Variants in SCAPER observed in about 807,000 individuals in gnomAD.
SCAPER encodes the protein S phase cyclin A-associated protein in the endoplasmic reticulum.
SCAPER carries 98 observed loss-of-function variants against 182.2 expected under a neutral mutation model. The observed-to-expected ratio is 0.54, with a 90% confidence interval of 0.46 to 0.64. The LOEUF (loss-of-function observed/expected upper bound fraction) is 0.64. SCAPER is among the 30% of genes least tolerant of loss of function. SCAPER has a pLI of 0.00. For synonymous variants in SCAPER, 605 were observed against 564.6 expected (o/e 1.07, Z -1.01); for missense variants, 1,432 against 1,690.0 (o/e 0.85, Z 2.68).
At chr15:76,532,714 T>C (rs1046757445) in intron 23 of SCAPER, among the ~76,000 whole-genome samples, 2 of 152,184 alleles carry the variant, frequency 1.3e-5, no homozygotes. Flanking sequence ...GAAAATAGCA[T>C]GCACAGATAG....
chr15:76,896,088 G>C (rs971806466), intron 1 of SCAPER, among the ~76,000 whole-genome samples: 3 of 151,098 alleles, frequency 2.0e-5, no homozygotes, highest in Non-Finnish European at 4.4e-5. Flanking sequence ...GACAATAAAA[G>C]GCTGGCCACA....
intron 25 of SCAPER, among the ~76,000 whole-genome samples, chr15:76,460,916 T>C (rs942288519): frequency 6.6e-5 from 10 of 152,104 alleles, no homozygotes; most frequent in Admixed American, 6.5e-4. Context: ...ACCAGAAAAT[T>C]AACACTGGCT....
intron 14 of SCAPER, among the ~76,000 whole-genome samples, chr15:76,759,058 A>G (rs2062618873): frequency 6.6e-6 from 1 of 152,060 alleles, no homozygotes. Context: ...TTCCCATATA[A>G]TGCATTCATT....
Position 76,574,242 on chromosome 15 carries a change from AACTTGT to A in SCAPER, c.2748_2753del (p.Val918_Gln919del). 6.2e-7 allele frequency: 1 copy of A among 1,611,932 alleles called. No homozygotes were observed. Among genetic ancestry groups the A allele is most frequent in the African/African-American group, 1.3e-5 (1 of 75,008 alleles). ...TGTTTGCCCATGAGCCACTGTCTTG[AACTTGT>A]ACTTGTTTTAGAAGATCTTTGGCTA... On this transcript the variant is annotated inframe_deletion, in exon 23 of 32. Coordinates refer to ENST00000563290, the MANE Select transcript of SCAPER (RefSeq NM_020843.4).
At chr15:76,885,928 A>T (rs1474533805) in intron 1 of SCAPER, among the ~76,000 whole-genome samples, 2 of 152,250 alleles carry the variant, frequency 1.3e-5, no homozygotes, top group African/African-American at 4.8e-5. Context: ...GGCTGATTTC[A>T]TATCTTTACT....
chr15:76,552,688 G>T (rs2045879690), intron 23 of SCAPER, among the ~76,000 whole-genome samples: 1 of 152,278 alleles, frequency 6.6e-6, no homozygotes, highest in Non-Finnish European at 1.5e-5. Context: ...ACGCAGTCTA[G>T]GGGTTTGCTG....
chr15:76,381,767 G>A (rs1041697197), intron 27 of SCAPER, among the ~76,000 whole-genome samples, 152 bp from the exon 28 acceptor site: 5 of 152,178 alleles, frequency 3.3e-5, no homozygotes, highest in African/African-American at 9.7e-5. Context: ...AATAAATGCA[G>A]CCCTCCCCAC....
intron 4 of SCAPER, among the ~76,000 whole-genome samples, chr15:76,854,837 T>C (rs1255573209): frequency 1.3e-5 from 2 of 149,922 alleles, no homozygotes; most frequent in African/African-American, 4.9e-5. Context: ...CCAGGCATGG[T>C]TGCAGGTGCC....
chr15:76,650,942 G>C (rs2054982275), intron 21 of SCAPER, among the ~76,000 whole-genome samples: 1 of 151,970 alleles, frequency 6.6e-6, no homozygotes. Context: ...GAAATTAAAA[G>C]TCAAATTAGA....
At chr15:76,356,300 C>A (rs1383633239) in intron 29 of SCAPER, among the ~76,000 whole-genome samples, 1 of 152,024 alleles carries the variant, frequency 6.6e-6, no homozygotes, top group African/African-American at 2.4e-5. Context: ...GGGCAGGGGG[C>A]AGGGCTGGAA....
chr15:76,499,929 G>A (rs980231230), intron 24 of SCAPER, among the ~76,000 whole-genome samples: 1 of 152,164 alleles, frequency 6.6e-6, no homozygotes, highest in Admixed American at 6.5e-5. Context: ...GGGATTTAAA[G>A]CTCAGTAATT....
intron 23 of SCAPER, among the ~76,000 whole-genome samples, chr15:76,538,403 C>A (rs1465684647): frequency 4.6e-5 from 7 of 150,674 alleles, no homozygotes; most frequent in Non-Finnish European, 8.9e-5. Flanking sequence ...ATGATGAGTT[C>A]ATGTCCTTTG....
chr15:76,671,659 A>G (rs1464659420), intron 20 of SCAPER, among the ~76,000 whole-genome samples: 1 of 151,716 alleles, frequency 6.6e-6, no homozygotes, highest in Non-Finnish European at 1.5e-5. Context: ...AGTCCCAGCT[A>G]CTCTGGAGGC....
At chr15:76,895,825 C>T (rs1371538103) in intron 1 of SCAPER, among the ~76,000 whole-genome samples, 2 of 151,994 alleles carry the variant, frequency 1.3e-5, no homozygotes, top group African/African-American at 2.4e-5. Context: ...CAGATCATGA[C>T]GTCAGGAGAT....
intron 22 of SCAPER, among the ~76,000 whole-genome samples, chr15:76,591,745 A>G (rs576363385): frequency 9.9e-5 from 15 of 152,246 alleles, no homozygotes; most frequent in African/African-American, 3.4e-4. Context: ...AAATATATAT[A>G]TAAGTTTCTA....
rs535896953 is a variant in SCAPER, at chr15:76,743,173, G to A, written c.1867-9789C>T. 5.9e-5 allele frequency among the ~76,000 whole-genome samples: 9 copies of A among 152,168 alleles called. 1 individual carries two copies. Among genetic ancestry groups the A allele is most frequent in the South Asian group, 2.1e-4 (1 of 4,824 alleles). ...AAGTCCAAGTTTATCTAACTCAAGA[G>A]ACTTCGGTCGTCACTATGATAATAA... On this transcript the variant is annotated intron_variant, in intron 15 of 31. Coordinates refer to ENST00000563290, the MANE Select transcript of SCAPER (RefSeq NM_020843.4).
intron 15 of SCAPER, among the ~76,000 whole-genome samples, chr15:76,736,304 T>C (rs1165655090): frequency 2.0e-5 from 3 of 152,228 alleles, no homozygotes; most frequent in Admixed American, 2.0e-4. Flanking sequence ...CTGATGTTGA[T>C]GGCTGCTGAC....
chr15:76,378,497 A>C (rs1370806366), intron 28 of SCAPER, among the ~76,000 whole-genome samples: 3 of 152,200 alleles, frequency 2.0e-5, no homozygotes, highest in African/African-American at 7.2e-5. Flanking sequence ...TTTTCTGGAA[A>C]ACTCATCCGT....
At chr15:76,744,946 T>C (rs1396251574) in intron 15 of SCAPER, among the ~76,000 whole-genome samples, 1 of 152,152 alleles carries the variant, frequency 6.6e-6, no homozygotes, top group Non-Finnish European at 1.5e-5. Flanking sequence ...ATATACAACA[T>C]GGAATACTAC....
Sources: gnomAD v4.1 joint callset for allele counts (sites outside exome capture counted in the v4.1 genomes callset) on GRCh38, gnomAD v4.1.1 for gene constraint, MANE v1.5 for transcripts, NCBI Gene and HGNC (gene_info 2026-07-23, HGNC 2026-07-21) for gene names.